LNPK: variants seen among roughly 807,000 people sequenced by gnomAD.
LNPK encodes endoplasmic reticulum junction formation protein lunapark.
In LNPK, 29 loss-of-function variants were observed where a neutral mutation model predicts 55.2. That is an observed-to-expected ratio of 0.53 (90% confidence interval 0.39 to 0.72). LNPK has a LOEUF of 0.72. Among genes scored for constraint, LNPK ranks in the 30% least tolerant of loss-of-function variants. The pLI is 0.00. For synonymous variants in LNPK, 162 were observed against 168.2 expected, an observed-to-expected ratio of 0.96 and a Z score of 0.29; for missense variants, 467 against 494.8, an observed-to-expected ratio of 0.94 and a Z score of 0.53.
At chr2:175,941,006 G>C (rs1207658869) in intron 9 of LNPK, 1 of 454,160 alleles carries the variant, frequency 2.2e-6, no homozygotes, top group East Asian at 7.1e-5. Context: ...CCAGCACTTT[G>C]AGAGGTCGAG....
At chr2:175,930,273 TAAACACACACACACACACACACAC>T in intron 12 of LNPK, 74 bp from the exon 13 acceptor site, 1 of 751,714 alleles carries the variant, frequency 1.3e-6, no homozygotes. Flanking sequence ...GCAAAAAAGA[TAAACACACACACACACACACACAC>T]ACACACACAC....
At chr2:175,989,010 C>T (rs143319135) in intron 4 of LNPK, among the ~76,000 whole-genome samples, 131 of 152,288 alleles carry the variant, frequency 8.6e-4, no homozygotes, top group Admixed American at 3.9e-3. Context: ...CTCCTGATCT[C>T]GTGATCCGCC....
chr2:175,977,057 TTC>T (rs1417909205), intron 5 of LNPK, among the ~76,000 whole-genome samples: 1 of 152,174 alleles, frequency 6.6e-6, no homozygotes, highest in Non-Finnish European at 1.5e-5. Context: ...GCAATATTAA[TTC>T]TCTTTTGGCC....
intron 12 of LNPK, among the ~76,000 whole-genome samples, chr2:175,933,737 T>TG (rs1553497442): frequency 1.4e-5 from 2 of 147,950 alleles, no homozygotes; most frequent in Admixed American, 6.7e-5. Flanking sequence ...AAGGGTTTTT[T>TG]TTTTTTTTTT....
Position 175,937,399 on chromosome 2 carries a change from T to C in LNPK, c.999A>G (p.Ser333=). ...CACTTCCTGATGGCAAGGGACCAAC[T>C]GAACTTGAACCTTCCACCACCTGCC... is the stretch of plus-strand genomic sequence containing the variant. ...EKRQVVEGSS[S]VGPLPSGSVL... Residue 333 remains serine, a synonymous_variant, in exon 12 of 13, where the codon TCA becomes TCG. Coordinates refer to ENST00000272748, the MANE Select transcript of LNPK (RefSeq NM_030650.3). 6.2e-7 allele frequency: 1 copy of C among 1,613,800 alleles called. No individual in the cohort carries two copies. The highest frequency in any genetic ancestry group is 8.5e-7 in the Non-Finnish European group (1 of 1,179,748).
At chr2:175,959,980 G>A (rs551055419) in intron 8 of LNPK, among the ~76,000 whole-genome samples, 1 of 152,154 alleles carries the variant, frequency 6.6e-6, no homozygotes, top group East Asian at 1.9e-4. Flanking sequence ...ATTACATAAT[G>A]GTAAAGGAGT....
rs374791553 is a variant in LNPK, at chr2:175,988,794, G to T, written c.257+3437C>A. ...AGCCATATCTAAAAATTCCTTTTGA[G>T]GTTATTTTTGAGTCTGTCGCCCAGG... On this transcript the variant is annotated intron_variant, in intron 4 of 12. Coordinates refer to ENST00000272748, the MANE Select transcript of LNPK (RefSeq NM_030650.3). 1.4e-4 allele frequency among the ~76,000 whole-genome samples: 22 copies of T among 152,190 alleles called. No homozygotes were observed. In the South Asian group the frequency reaches 4.6e-3, roughly 32 times the overall value.
intron 9 of LNPK, among the ~76,000 whole-genome samples, chr2:175,940,484 A>G (rs1351946891): frequency 1.3e-5 from 2 of 152,212 alleles, no homozygotes; most frequent in African/African-American, 4.8e-5. Flanking sequence ...ATACAGGGCC[A>G]AGAATATTGC....
At chr2:175,952,186 A>ACT (rs1685455827) in intron 8 of LNPK, among the ~76,000 whole-genome samples, 1 of 152,032 alleles carries the variant, frequency 6.6e-6, no homozygotes, top group East Asian at 1.9e-4. Context: ...TTTCCCTAGC[A>ACT]CTGGTCAAAG....
rs547218495 is a variant in LNPK at position 175,940,914 on chromosome 2, C to CA, written c.707-1258dup. ...TGTACAACAGTTTAGACACTGCACACAAAAAAACTGGTGAACTTTAAGACA... is the reference window on the plus strand; with the variant it reads ...TGTACAACAGTTTAGACACTGCACACAAAAAAAACTGGTGAACTTTAAGACA... On this transcript the variant is annotated intron_variant, in intron 9 of 12. Coordinates refer to ENST00000272748, the MANE Select transcript of LNPK (RefSeq NM_030650.3). 6.5e-4 allele frequency: 292 copies of CA among 448,898 alleles called. 1 individual carries two copies. Among genetic ancestry groups the CA allele is most frequent in the African/African-American group, 2.4e-3 (119 of 49,468 alleles). 27.8% of individuals were successfully genotyped at this position (448,898 alleles called of 1,614,324 possible). A position where few individuals can be genotyped will look rare whatever the true frequency, so the allele number is the denominator to read the frequency against.
chr2:175,970,622 T>G (rs192405329), intron 6 of LNPK, 142 bp downstream of exon 6: 6 of 403,734 alleles, frequency 1.5e-5, no homozygotes, highest in African/African-American at 1.3e-4. Flanking sequence ...AGCAAAAATA[T>G]TCACAATTTC....
At chr2:175,998,296 T>C (rs575831934) in intron 1 of LNPK, among the ~76,000 whole-genome samples, 5 of 151,918 alleles carry the variant, frequency 3.3e-5, no homozygotes, top group African/African-American at 1.2e-4. Context: ...CTATAAAAAT[T>C]AGCCAGGCGT....
In LNPK at chr2:175,927,371, A is replaced by G. The variant is rs533776031; in HGVS notation, c.*2596T>C. 1.3e-5 allele frequency: 2 copies of G among 152,380 alleles called. No individual in the cohort carries two copies. The highest frequency in any genetic ancestry group is 6.5e-5 in the Admixed American group (1 of 15,308). The allele number at this position is 152,380 out of a possible 1,614,324, so 9.4% of individuals were successfully genotyped here. On this transcript the variant is annotated 3_prime_UTR_variant, in exon 13 of 13. Coordinates refer to ENST00000272748, the MANE Select transcript of LNPK (RefSeq NM_030650.3). Reference sequence around the variant, plus strand: ...CATTATGTTGTGAAGACAGTAAACTAGCAAACAAATCAAATACACATTGTG... The same window carrying G: ...CATTATGTTGTGAAGACAGTAAACTGGCAAACAAATCAAATACACATTGTG...
At position 175,981,384 on chromosome 2, in the gene LNPK, G is replaced by T. The variant is rs114435229; in HGVS notation, c.258-1516C>A. On this transcript the variant is annotated intron_variant, in intron 4 of 12. Transcript: ENST00000272748. ...GGTAAACACTCAGCAAAGAACTGAT[G>T]CCTGCTAACAGCCACCTGTGTGAAT... Among the ~76,000 whole-genome samples the T allele has an allele frequency of 5.6e-3, 857 of 152,286 alleles. 8 individuals are homozygous for T. Among genetic ancestry groups the T allele is most frequent in the African/African-American group, 0.019 (806 of 41,558 alleles).
At chr2:175,959,628 T>C (rs1329965628) in intron 8 of LNPK, among the ~76,000 whole-genome samples, 1 of 152,150 alleles carries the variant, frequency 6.6e-6, no homozygotes, top group Non-Finnish European at 1.5e-5. Flanking sequence ...TAAAGACTAT[T>C]GATGTTTGGA....
chr2:175,955,553 T>C (rs1310355000), intron 8 of LNPK, among the ~76,000 whole-genome samples: 2 of 152,216 alleles, frequency 1.3e-5, no homozygotes, highest in South Asian at 2.1e-4. Context: ...TGTAACAGTA[T>C]GAATTTGATA....
intron 8 of LNPK, among the ~76,000 whole-genome samples, chr2:175,957,214 C>G (rs557153382): frequency 3.3e-5 from 5 of 151,870 alleles, no homozygotes; most frequent in African/African-American, 1.2e-4. Context: ...AAAAATTAGC[C>G]GGGTGTCATG....
rs1559082894 is a variant in LNPK at position 176,002,237 on chromosome 2, A to AGTAG, written c.-141_-140insCTAC. ...CCGCCACCGCCCAGCCTGCCTCCAG[A>AGTAG]GCAGGCAGCAGCCGCCACTGACAGA... is the stretch of plus-strand genomic sequence containing the variant. On this transcript the variant is annotated 5_prime_UTR_variant, in exon 1 of 13. Coordinates refer to ENST00000272748, the MANE Select transcript of LNPK (RefSeq NM_030650.3). 1.8e-5 allele frequency: 8 copies of AGTAG among 451,954 alleles called. No homozygotes were observed. The highest frequency in any genetic ancestry group is 1.2e-4 in the South Asian group (8 of 64,114). 28.0% of individuals were successfully genotyped at this position (451,954 alleles called of 1,614,324 possible).
Position 175,987,674 on chromosome 2 carries a change from TAA to T in LNPK, c.257+4555_257+4556del, listed in dbSNP as rs61294187. Among the ~76,000 whole-genome samples the T allele has an allele frequency of 3.9e-3, 576 of 149,548 alleles. 1 individual carries two copies. The highest frequency in any genetic ancestry group is 0.011 in the African/African-American group (462 of 40,676). On this transcript the variant is annotated intron_variant, in intron 4 of 12. Coordinates refer to ENST00000272748, the MANE Select transcript of LNPK (RefSeq NM_030650.3). ...TGTACCCTAAAACTTAAAGTATAAT[TAA>T]AAAAAAAAAAATCACTACATTCCTA...
Sources: gnomAD v4.1 joint callset for allele counts (sites outside exome capture counted in the v4.1 genomes callset) on GRCh38, gnomAD v4.1.1 for gene constraint, MANE v1.5 for transcripts, NCBI Gene and HGNC (gene_info 2026-07-23, HGNC 2026-07-21) for gene names.